The following SLC14A1 variants were observed in gnomAD, a reference collection of about 807,000 sequenced individuals.
SLC14A1 encodes the protein urea transporter 1.
A neutral mutation model predicts 39.6 loss-of-function variants in SLC14A1; 36 were observed. The observed-to-expected ratio is 0.91, with a 90% CI of 0.70 to 1.20. The LOEUF (loss-of-function observed/expected upper bound fraction) is 1.20. SLC14A1 is among the 50% of genes most tolerant of loss of function. SLC14A1 has a pLI of 0.00. For synonymous variants in SLC14A1, 164 were observed against 173.6 expected (o/e 0.94, Z 0.43); for missense variants, 469 against 478.7 (o/e 0.98, Z 0.19).
intron 5 of SLC14A1, among the ~76,000 whole-genome samples, chr18:45,735,965 A>T (rs1275615974): frequency 6.6e-6 from 1 of 152,116 alleles, no homozygotes; most frequent in Non-Finnish European, 1.5e-5. Flanking sequence ...TGCCCCACCA[A>T]CTGTGATATC....
chr18:45,731,876 C>T (rs574866632), intron 4 of SLC14A1, among the ~76,000 whole-genome samples: 10 of 152,334 alleles, frequency 6.6e-5, no homozygotes, highest in South Asian at 4.1e-4. Context: ...CTGAGATCAA[C>T]GCATAATCCC....
chr18:45,738,959 C>T (rs112834882), intron 6 of SLC14A1, among the ~76,000 whole-genome samples: 1 of 152,088 alleles, frequency 6.6e-6, no homozygotes, highest in African/African-American at 2.4e-5. Flanking sequence ...CAGGGAAGGG[C>T]TGGTGTATCT....
intron 2 of SLC14A1, chr18:45,726,987 T>G: frequency 2.8e-6 from 1 of 357,046 alleles, no homozygotes; most frequent in African/African-American, 2.1e-5. Flanking sequence ...TTGGTCCCTG[T>G]GTAGGATGGC....
At chr18:45,724,624 A>G (rs2046813864) in intron 1 of SLC14A1, among the ~76,000 whole-genome samples, 2 of 152,220 alleles carry the variant, frequency 1.3e-5, no homozygotes, top group East Asian at 1.9e-4. Flanking sequence ...TCTTGAAATA[A>G]TAATTTGGGC....
intron 2 of SLC14A1, among the ~76,000 whole-genome samples, chr18:45,725,981 A>T (rs2046853533): frequency 6.6e-6 from 1 of 152,222 alleles, no homozygotes; most frequent in African/African-American, 2.4e-5. Context: ...CACTGAGAAA[A>T]TGTGACAACC....
In SLC14A1 at chr18:45,739,580, C is replaced by T. The variant is rs772107654; in HGVS notation, c.864C>T (p.Phe288=). Residue 288 remains phenylalanine (F), a synonymous_variant, in exon 8 of 10, where the codon TTC becomes TTT. Transcript: ENST00000321925. ...ACATCTACTTTGGACTCTGGGGTTTCAACAGCTCTCTGGCCTGCATTGCAA... is the reference window on the plus strand; with the variant it reads ...ACATCTACTTTGGACTCTGGGGTTTTAACAGCTCTCTGGCCTGCATTGCAA... ...FEDIYFGLWG[F]NSSLACIAMG... 1 of 1,614,178 alleles carries T rather than the reference C, an allele frequency of 6.2e-7. No homozygotes were observed. The highest frequency in any genetic ancestry group is 1.1e-5 in the South Asian group (1 of 91,086).
At chr18:45,738,283 G>A (rs1019766971) in intron 6 of SLC14A1, among the ~76,000 whole-genome samples, 3 of 152,222 alleles carry the variant, frequency 2.0e-5, no homozygotes, top group Non-Finnish European at 4.4e-5. Context: ...GAGAGGGCAA[G>A]ATGGGAACTG....
At position 45,736,480 on chromosome 18, in the gene SLC14A1, T is replaced by C. The variant is rs1406159042; in HGVS notation, c.495T>C (p.Asn165=). 1 of 1,614,208 alleles carries C rather than the reference T, an allele frequency of 6.2e-7. No individual in the cohort carries two copies. The highest frequency in any genetic ancestry group is 8.5e-7 in the Non-Finnish European group (1 of 1,180,030). Reference sequence around the variant, plus strand: ...GCCCAATTTTCTCAAGTGCATTGAATTCCATGCTCAGCAAATGGGACCTCC... The same window carrying C: ...GCCCAATTTTCTCAAGTGCATTGAACTCCATGCTCAGCAAATGGGACCTCC... ...MTCPIFSSAL[N]SMLSKWDLPV... The change falls in exon 6 of 10, where the codon AAT becomes AAC. Residue 165 remains asparagine (N), a synonymous_variant. Coordinates refer to ENST00000321925, the MANE Select transcript of SLC14A1 (RefSeq NM_015865.7).
chr18:45,731,248 CAG>C, intron 4 of SLC14A1, 44 bp downstream of exon 4: 1 of 1,567,738 alleles, frequency 6.4e-7, no homozygotes, highest in Non-Finnish European at 8.8e-7. Context: ...TTCTGAGACA[CAG>C]GGGCTGACCA....
Position 45,731,044 on chromosome 18 carries a change from T to C in SLC14A1, c.181T>C (p.Trp61Arg), listed in dbSNP as rs146420195. ...ACCCGTGGTGCTCCAGTTCATTGAC[T>C]GGATTCTCCGGGGCATATCCCAAGT... The part of the protein sequence containing the change: ...DKPVVLQFID[W>R]ILRGISQVVF... The change falls in exon 4 of 10, where the codon TGG (tryptophan) becomes CGG (arginine). Residue 61 changes from tryptophan to arginine, a missense_variant. Trp to Arg is a moderately radical substitution (Grantham distance 101). Coordinates refer to ENST00000321925, the MANE Select transcript of SLC14A1 (RefSeq NM_015865.7). 6.2e-7 allele frequency: 1 copy of C among 1,614,092 alleles called. No individual in the cohort carries two copies. The highest frequency in any genetic ancestry group is 8.5e-7 in the Non-Finnish European group (1 of 1,180,030).
intron 4 of SLC14A1, 90 bp downstream of exon 4, chr18:45,731,294 T>C: frequency 2.4e-6 from 3 of 1,242,876 alleles, no homozygotes; most frequent in South Asian, 1.2e-5. Flanking sequence ...AACCACATCC[T>C]TCCCAGGATA....
intron 8 of SLC14A1, among the ~76,000 whole-genome samples, chr18:45,747,367 A>G (rs2047574771): frequency 6.6e-6 from 1 of 152,108 alleles, no homozygotes; most frequent in Admixed American, 6.6e-5. Flanking sequence ...TGATTCTACA[A>G]TTTTTTGGCC....
Position 45,751,292 on chromosome 18 carries a change from A to G in SLC14A1, c.*1341A>G. Reference sequence around the variant, plus strand: ...GAGGAGGAGGCTGCAGTGAGCTAAGATTGCACCACTGCACTCCAACCTGGG... The same window carrying G: ...GAGGAGGAGGCTGCAGTGAGCTAAGGTTGCACCACTGCACTCCAACCTGGG... On this transcript the variant is annotated 3_prime_UTR_variant, in exon 10 of 10. Transcript: ENST00000321925. 1.4e-6 allele frequency: 1 copy of G among 727,682 alleles called. No individual in the cohort carries two copies. The highest frequency in any genetic ancestry group is 1.7e-6 in the Non-Finnish European group (1 of 598,666). The allele number at this position is 727,682 out of a possible 1,614,324, so 45.1% of individuals were successfully genotyped here. A position where few individuals can be genotyped will look rare whatever the true frequency, so the allele number is the denominator to read the frequency against.
chr18:45,741,431 G>T (rs1348427044), intron 8 of SLC14A1, among the ~76,000 whole-genome samples: 1 of 152,196 alleles, frequency 6.6e-6, no homozygotes, highest in Non-Finnish European at 1.5e-5. Flanking sequence ...GATTAATCAA[G>T]CCAAGGTATC....
intron 9 of SLC14A1, 86 bp downstream of exon 9, chr18:45,748,511 G>A: frequency 7.8e-7 from 1 of 1,280,708 alleles, no homozygotes; most frequent in Non-Finnish European, 1.1e-6. Context: ...CCACTGGGCT[G>A]GCATCCAGTG....
chr18:45,729,008 A>T (rs972082986), intron 2 of SLC14A1: 8 of 152,206 alleles, frequency 5.3e-5, no homozygotes, highest in African/African-American at 2.4e-5. Flanking sequence ...AATAGGTATA[A>T]CTTAGTATCT....
chr18:45,737,135 C>T (rs865894727), intron 6 of SLC14A1, among the ~76,000 whole-genome samples: 9 of 152,202 alleles, frequency 5.9e-5, no homozygotes, highest in Admixed American at 1.3e-4. Flanking sequence ...CTTTGGTAGG[C>T]ATCAGAATCA....
chr18:45,727,523 A>G, intron 2 of SLC14A1: 5 of 1,337,956 alleles, frequency 3.7e-6, no homozygotes, highest in Non-Finnish European at 5.0e-6. Context: ...GTTGGCTGTG[A>G]GCTAAGCCAA....
chr18:45,725,169 T>C (rs997122523), intron 2 of SLC14A1, 156 bp downstream of exon 2: 5 of 152,234 alleles, frequency 3.3e-5, no homozygotes, highest in East Asian at 1.9e-4. Context: ...GTCTCTCCAA[T>C]TGCACAAATT....
Sources: allele counts gnomAD v4.1 joint callset (sites outside exome capture counted in the v4.1 genomes callset), GRCh38; gene constraint gnomAD v4.1.1; transcripts MANE v1.5; gene names NCBI Gene and HGNC (gene_info 2026-07-23, HGNC 2026-07-21).